The following GLT1D1 variants were observed in gnomAD, a reference collection of about 807,000 sequenced individuals.
GLT1D1 encodes glycosyltransferase 1 domain-containing protein 1.
Under a neutral mutation model 28.7 loss-of-function variants are expected in GLT1D1, and 21 were observed. That is an observed-to-expected ratio of 0.73 (90% CI 0.52 to 1.05). The LOEUF (loss-of-function observed/expected upper bound fraction) is 1.05. GLT1D1 is among the 50% of genes least tolerant of loss of function. The probability of loss-of-function intolerance (pLI) is 0.00; values close to 1 mark genes in which losing one functional copy is unlikely to be tolerated. For missense variants in GLT1D1, 343 were observed against 330.6 expected (o/e 1.04, Z -0.29); for synonymous variants, 147 against 124.8 (o/e 1.18, Z -1.19).
At chr12:128,881,561 A>AAATATATATAT (rs1555262848) in intron 2 of GLT1D1, among the ~76,000 whole-genome samples, 1 of 33,726 alleles carries the variant, frequency 3.0e-5, no homozygotes, top group Non-Finnish European at 5.2e-5. Context: ...AAAAAAAAAA[A>AAATATATATAT]ATATATATAT....
intron 7 of GLT1D1, among the ~76,000 whole-genome samples, chr12:128,973,179 G>GTTTTTTTTTTTTTTGTTTTTT (rs1879371058): frequency 2.0e-5 from 1 of 50,958 alleles, no homozygotes; most frequent in Non-Finnish European, 4.0e-5. Context: ...TGTTTGCTTG[G>GTTTTTTTTTTTTTTGTTTTTT]TTTTTTTTTT....
intron 3 of GLT1D1, among the ~76,000 whole-genome samples, chr12:128,898,683 G>T (rs1475235646): frequency 6.6e-6 from 1 of 152,186 alleles, no homozygotes; most frequent in Non-Finnish European, 1.5e-5. Context: ...CCATGAAAAA[G>T]TATCTCTTAA....
intron 7 of GLT1D1, among the ~76,000 whole-genome samples, chr12:128,977,273 A>C (rs1313338593): frequency 6.6e-6 from 1 of 152,188 alleles, no homozygotes; most frequent in East Asian, 1.9e-4. Context: ...CAGACTCCTC[A>C]GAAAGGAAGA....
At chr12:128,890,156 C>A (rs935965076) in intron 3 of GLT1D1, among the ~76,000 whole-genome samples, 1 of 152,190 alleles carries the variant, frequency 6.6e-6, no homozygotes, top group South Asian at 2.1e-4. Flanking sequence ...TGCTTTAACC[C>A]TGTAGGGAAA....
chr12:128,950,173 T>C (rs1338117534), intron 6 of GLT1D1, among the ~76,000 whole-genome samples: 2 of 152,168 alleles, frequency 1.3e-5, no homozygotes, highest in African/African-American at 2.4e-5. Context: ...GCTACTGGCA[T>C]GTATTTGGGA....
chr12:128,857,082 C>G (rs1209328013), intron 1 of GLT1D1, among the ~76,000 whole-genome samples: 1 of 152,222 alleles, frequency 6.6e-6, no homozygotes. Flanking sequence ...TTGCTCCTAA[C>G]TTGAGCTGTA....
At chr12:128,959,946 G>A (rs776559437) in intron 7 of GLT1D1, among the ~76,000 whole-genome samples, 9 of 152,142 alleles carry the variant, frequency 5.9e-5, no homozygotes, top group Non-Finnish European at 1.3e-4. Context: ...TTCCTTATAA[G>A]TGGATCTATT....
chr12:128,931,900 TG>T (rs1873933483), intron 4 of GLT1D1, among the ~76,000 whole-genome samples: 1 of 104,738 alleles, frequency 9.5e-6, no homozygotes, highest in African/African-American at 3.8e-5. Context: ...TGTGAGGATA[TG>T]TGCACACACA....
intron 7 of GLT1D1, among the ~76,000 whole-genome samples, chr12:128,964,901 G>A (rs1878310118): frequency 6.6e-6 from 1 of 152,214 alleles, no homozygotes; most frequent in African/African-American, 2.4e-5. Flanking sequence ...AAGTTTAGGG[G>A]CGTGAGAGTG....
chr12:128,908,384 CTTTCTT>C (rs879556306), intron 4 of GLT1D1, among the ~76,000 whole-genome samples: 1,630 of 42,596 alleles, frequency 0.038, 36 homozygotes, highest in African/African-American at 0.086. Context: ...TTTTCTTTCT[CTTTCTT>C]TCTCTCTCTC....
intron 4 of GLT1D1, among the ~76,000 whole-genome samples, chr12:128,922,386 C>T (rs1293652546): frequency 6.6e-6 from 1 of 152,096 alleles, no homozygotes; most frequent in East Asian, 1.9e-4. Flanking sequence ...TGGCTTTTGC[C>T]TAGTAATGTA....
intron 4 of GLT1D1, among the ~76,000 whole-genome samples, chr12:128,899,974 C>T (rs1223586388): frequency 1.3e-5 from 2 of 152,040 alleles, no homozygotes; most frequent in South Asian, 2.1e-4. Context: ...TGGGTTGGAC[C>T]GTTTATTAGA....
chr12:128,945,228 C>T (rs986588830), intron 4 of GLT1D1, 98 bp from the exon 9 acceptor site: 8 of 1,257,194 alleles, frequency 6.4e-6, no homozygotes, highest in African/African-American at 4.4e-5. Context: ...GAGGCCCACG[C>T]CGCGCTGGCA....
chr12:128,881,574 A>ATG (rs1478946487), intron 2 of GLT1D1, among the ~76,000 whole-genome samples: 2 of 109,272 alleles, frequency 1.8e-5, no homozygotes, highest in East Asian at 4.7e-4. Context: ...ATATATATAT[A>ATG]TATATATATA....
chr12:128,857,251 C>T (rs2135751843), intron 1 of GLT1D1, among the ~76,000 whole-genome samples: 1 of 152,116 alleles, frequency 6.6e-6, no homozygotes, highest in East Asian at 1.9e-4. Flanking sequence ...TTTGAAAGTG[C>T]CTGTCTTGCT....
intron 4 of GLT1D1, among the ~76,000 whole-genome samples, chr12:128,927,863 C>A (rs545225166): frequency 7.0e-4 from 106 of 150,898 alleles, no homozygotes; most frequent in African/African-American, 2.5e-3. Flanking sequence ...AGCTGGGCAT[C>A]GTGGTGGGTG....
chr12:128,954,786 C>T (rs11060041), intron 6 of GLT1D1, among the ~76,000 whole-genome samples: 68,543 of 151,976 alleles, frequency 0.45, 16,658 homozygotes, highest in Non-Finnish European at 0.54. Context: ...CCCATTGCTA[C>T]AAAACATTTT....
intron 3 of GLT1D1, among the ~76,000 whole-genome samples, chr12:128,891,973 G>A (rs910752442): frequency 4.6e-5 from 7 of 152,292 alleles, no homozygotes; most frequent in Middle Eastern, 3.4e-3. Context: ...ATCAATATAT[G>A]TAGGAGGTAC....
intron 1 of GLT1D1, among the ~76,000 whole-genome samples, chr12:128,861,375 C>A (rs1956367902): frequency 6.6e-6 from 1 of 152,208 alleles, no homozygotes; most frequent in African/African-American, 2.4e-5. Flanking sequence ...CCGTGCTCTA[C>A]ATCTTGATAT....
Sources: gnomAD v4.1 joint callset for allele counts (sites outside exome capture counted in the v4.1 genomes callset) on GRCh38, gnomAD v4.1.1 for gene constraint, MANE v1.5 for transcripts, NCBI Gene and HGNC (gene_info 2026-07-23, HGNC 2026-07-21) for gene names.